The following FSTL5 variants were observed in gnomAD, a reference collection of about 807,000 sequenced individuals.
The protein encoded by FSTL5 is follistatin like 5.
Under a neutral mutation model 89.1 loss-of-function variants are expected in FSTL5, and 62 were observed. The observed-to-expected ratio is 0.70, with a 90% CI of 0.57 to 0.86. The LOEUF is 0.86. Ranked by LOEUF, FSTL5 falls within the 40% of genes least tolerant of loss-of-function variation. FSTL5 has a pLI of 0.00. For missense variants in FSTL5, 1,057 were observed against 1,001.6 expected (o/e 1.06, Z -0.75); for synonymous variants, 383 against 346.2 (o/e 1.11, Z -1.18).
intron 4 of FSTL5, among the ~76,000 whole-genome samples, chr4:161,899,958 G>A (rs1361986927): frequency 6.6e-6 from 1 of 152,158 alleles, no homozygotes; most frequent in East Asian, 1.9e-4. Context: ...AAAATTGGTG[G>A]TCAAGGCGGA....
chr4:161,798,481 T>A (rs975024907), intron 4 of FSTL5, among the ~76,000 whole-genome samples: 1 of 151,696 alleles, frequency 6.6e-6, no homozygotes, highest in African/African-American at 2.4e-5. Flanking sequence ...ATACTTTTTT[T>A]TTTTAAAGTA....
At chr4:161,555,167 T>G (rs1732347910) in intron 8 of FSTL5, among the ~76,000 whole-genome samples, 1 of 151,554 alleles carries the variant, frequency 6.6e-6, no homozygotes. Context: ...GTCTTCCTAT[T>G]TATCATATGA....
At chr4:162,028,911 G>C (rs1017370320) in intron 3 of FSTL5, among the ~76,000 whole-genome samples, 3 of 152,232 alleles carry the variant, frequency 2.0e-5, no homozygotes, top group Admixed American at 6.6e-5. Context: ...CTCAGAAACT[G>C]TGAGATTAAT....
At position 161,587,523 on chromosome 4, in the gene FSTL5, A is replaced by C. The variant is rs200371799; in HGVS notation, c.947T>G (p.Val316Gly). 4 of 1,611,902 alleles carry C rather than the reference A, an allele frequency of 2.5e-6. No individual in the cohort carries two copies. Among genetic ancestry groups the C allele is most frequent in the African/African-American group, 1.3e-5 (1 of 74,866 alleles). Residue 316 changes from valine (V) to glycine (G), a missense_variant, in exon 8 of 16, where the codon GTT becomes GGT. Val to Gly is a moderately radical substitution (Grantham distance 109). This residue lies in a region of FSTL5 where 980 missense variants were observed against 903.2 expected (regional missense o/e 1.08). Coordinates refer to ENST00000306100, the MANE Select transcript of FSTL5 (RefSeq NM_020116.5). The stretch of plus-strand genomic sequence containing the variant: ...ATCTGCATAGCAGGTGTAATTGCCA[A>C]CGTGAGTTGTGGTAACCTTAGTAAT... ...LYITKVTTTH[V>G]GNYTCYADGY...
intron 6 of FSTL5, among the ~76,000 whole-genome samples, chr4:161,664,128 G>T (rs1426137941): frequency 6.6e-6 from 1 of 152,198 alleles, no homozygotes; most frequent in Non-Finnish European, 1.5e-5. Flanking sequence ...GGGACGGGCT[G>T]CGGTGAAGGT....
intron 15 of FSTL5, among the ~76,000 whole-genome samples, chr4:161,418,813 C>G (rs921567662): frequency 6.6e-6 from 1 of 152,084 alleles, no homozygotes; most frequent in Admixed American, 6.5e-5. Flanking sequence ...CAGGACAAAA[C>G]CCATCCAAAT....
chr4:162,124,703 G>GT (rs1732001168), intron 1 of FSTL5, among the ~76,000 whole-genome samples: 1 of 149,912 alleles, frequency 6.7e-6, no homozygotes, highest in African/African-American at 2.5e-5. Context: ...TCCTTTTTTT[G>GT]TTTGTTTTTT....
At chr4:162,150,301 CAG>C (rs1291742819) in intron 1 of FSTL5, among the ~76,000 whole-genome samples, 1 of 152,054 alleles carries the variant, frequency 6.6e-6, no homozygotes, top group Non-Finnish European at 1.5e-5. Flanking sequence ...CCTTTTGAGC[CAG>C]AGAGAAACAT....
intron 11 of FSTL5, among the ~76,000 whole-genome samples, chr4:161,510,152 T>C (rs1730605281): frequency 6.6e-6 from 1 of 152,192 alleles, no homozygotes; most frequent in Admixed American, 6.6e-5. Flanking sequence ...TGTAATTTCA[T>C]ACTTTTAAAG....
intron 6 of FSTL5, among the ~76,000 whole-genome samples, chr4:161,684,947 C>T (rs957950690): frequency 6.6e-6 from 1 of 152,164 alleles, no homozygotes; most frequent in African/African-American, 2.4e-5. Flanking sequence ...AGACGAAGAT[C>T]CAGTTTCATT....
chr4:162,093,543 A>T lies in FSTL5; in HGVS notation c.126+17728T>A, dbSNP rs142877546. 5.3e-5 allele frequency among the ~76,000 whole-genome samples: 8 copies of T among 152,306 alleles called. No individual in the cohort carries two copies. In the East Asian group the frequency reaches 1.5e-3, roughly 29 times the overall value. On this transcript the variant is annotated intron_variant, in intron 2 of 15. Coordinates refer to ENST00000306100, the MANE Select transcript of FSTL5 (RefSeq NM_020116.5). The stretch of plus-strand genomic sequence containing the variant: ...TAAGGAGAGATAAAAGCTGGTTCAC[A>T]TTCCTTCTTTAAAAAATACACAAAT...
chr4:161,624,602 A>T (rs1445190713), intron 7 of FSTL5, among the ~76,000 whole-genome samples: 3 of 151,868 alleles, frequency 2.0e-5, no homozygotes, highest in African/African-American at 4.8e-5. Context: ...TTGTAAATTT[A>T]TTATGATTGT....
At chr4:162,162,401 T>C (rs748079483) in intron 1 of FSTL5, among the ~76,000 whole-genome samples, 1 of 152,134 alleles carries the variant, frequency 6.6e-6, no homozygotes, top group East Asian at 1.9e-4. Context: ...ATATTGGACA[T>C]CTACTTGCAA....
chr4:161,720,779 T>C (rs1273099172), intron 6 of FSTL5, among the ~76,000 whole-genome samples: 2 of 152,270 alleles, frequency 1.3e-5, no homozygotes, highest in East Asian at 1.9e-4. Flanking sequence ...GGGCAAATAC[T>C]ACATAATTCC....
At chr4:161,611,493 T>A (rs1734650888) in intron 7 of FSTL5, among the ~76,000 whole-genome samples, 1 of 151,980 alleles carries the variant, frequency 6.6e-6, no homozygotes, top group East Asian at 1.9e-4. Flanking sequence ...ATGTGTTACA[T>A]GTTTTCATTT....
chr4:161,482,822 G>C (rs1163368634), intron 12 of FSTL5, among the ~76,000 whole-genome samples: 3 of 152,196 alleles, frequency 2.0e-5, no homozygotes, highest in Non-Finnish European at 2.9e-5. Context: ...ATTCAGGAAG[G>C]CTCTGGAGTG....
chr4:161,747,680 G>A (rs1226824082), intron 6 of FSTL5, among the ~76,000 whole-genome samples: 1 of 152,130 alleles, frequency 6.6e-6, no homozygotes, highest in Non-Finnish European at 1.5e-5. Flanking sequence ...GTTTACTGTA[G>A]TTTCCTTCCT....
chr4:161,603,045 G>A (rs2126627168), intron 7 of FSTL5, among the ~76,000 whole-genome samples: 1 of 152,192 alleles, frequency 6.6e-6, no homozygotes, highest in African/African-American at 2.4e-5. Context: ...ATATCAATGT[G>A]AAAGTAAAAT....
At chr4:162,060,952 A>G (rs1188186409) in intron 2 of FSTL5, among the ~76,000 whole-genome samples, 1 of 152,152 alleles carries the variant, frequency 6.6e-6, no homozygotes, top group Admixed American at 6.6e-5. Flanking sequence ...TATGAATCAG[A>G]TGCCAGAAAG....
Sources: gnomAD v4.1 joint callset for allele counts (sites outside exome capture counted in the v4.1 genomes callset) on GRCh38, gnomAD v4.1.1 for gene constraint, gnomAD v4.1.1 regional missense constraint, MANE v1.5 for transcripts, NCBI Gene and HGNC (gene_info 2026-07-23, HGNC 2026-07-21) for gene names.